Variants in RARS2 observed in about 807,000 individuals in gnomAD.
RARS2 encodes the protein probable arginine--tRNA ligase, mitochondrial.
A neutral mutation model predicts 88.5 loss-of-function variants in RARS2; 67 were observed. The ratio of observed to expected loss-of-function variants is 0.76; its 90% CI spans 0.62 to 0.93. The LOEUF is 0.93. RARS2 is among the 40% of genes least tolerant of loss of function. The pLI, the probability that RARS2 is intolerant of heterozygous loss-of-function variation, is 0.00. For missense variants in RARS2, 664 were observed against 684.2 expected (o/e 0.97, Z 0.33); for synonymous variants, 239 against 230.3 (o/e 1.04, Z -0.34).
chr6:87,522,378 ATTTC>A (rs1483841051), intron 11 of RARS2, among the ~76,000 whole-genome samples: 5 of 151,160 alleles, frequency 3.3e-5, no homozygotes, highest in Admixed American at 6.6e-5. Flanking sequence ...CTTTGACAGA[ATTTC>A]TATCTCTTTT....
chr6:87,576,274 C>CTTTTTT (rs55999428), intron 1 of RARS2, among the ~76,000 whole-genome samples: 5 of 80,788 alleles, frequency 6.2e-5, no homozygotes, highest in Admixed American at 1.7e-4. Flanking sequence ...ACACAAATTT[C>CTTTTTT]TTTTTTTTTT....
chr6:87,569,632 T>A, intron 1 of RARS2, 42 bp from the exon 2 acceptor site: 2 of 1,475,348 alleles, frequency 1.4e-6, no homozygotes, highest in Non-Finnish European at 1.9e-6. Flanking sequence ...ATTGTTCACA[T>A]ATTTGTTCCA....
chr6:87,588,532 T>C (rs892897452), intron 1 of RARS2, among the ~76,000 whole-genome samples: 17 of 152,064 alleles, frequency 1.1e-4, no homozygotes, highest in Non-Finnish European at 1.8e-4. Context: ...CCATCATGCC[T>C]GGCTACTTTT....
At chr6:87,572,868 G>T (rs1770216009) in intron 1 of RARS2, among the ~76,000 whole-genome samples, 1 of 151,444 alleles carries the variant, frequency 6.6e-6, no homozygotes, top group Non-Finnish European at 1.5e-5. Context: ...GGCAATCAAG[G>T]TACAAAGGGA....
At chr6:87,571,073 G>A (rs1260355652) in intron 1 of RARS2, among the ~76,000 whole-genome samples, 1 of 152,086 alleles carries the variant, frequency 6.6e-6, no homozygotes, top group Non-Finnish European at 1.5e-5. Context: ...ATATGGTTTG[G>A]TTCTATTTCC....
In RARS2 at chr6:87,524,547, G is replaced by C. The variant is rs1275849989; in HGVS notation, c.974+10C>G. ...AGAACCAAATGTTGACCCTCACAGA[G>C]GCTACAAACCTGGTTGCATAGAGAG... On this transcript the variant is annotated intron_variant, in intron 11 of 19. Coordinates refer to ENST00000369536, the MANE Select transcript of RARS2 (RefSeq NM_020320.5). The C allele has an allele frequency of 1.9e-6, 3 of 1,587,434 alleles. No homozygotes were observed. In the South Asian group the frequency reaches 3.3e-5, roughly 18 times the overall value.
At position 87,579,913 on chromosome 6, in the gene RARS2, T is replaced by C. The variant is rs372127638; in HGVS notation, c.36+10009A>G. 5.9e-5 allele frequency among the ~76,000 whole-genome samples: 9 copies of C among 151,928 alleles called. No individual in the cohort carries two copies. The East Asian group carries it at 9.7e-4, about 16-fold the overall frequency. On this transcript the variant is annotated intron_variant, in intron 1 of 19. Transcript: ENST00000369536. ...GGCACCCACTATGCCCAGCTAATTTTTGTATTTTTAGTAGAGACGGGGTTT... is the reference window on the plus strand; with the variant it reads ...GGCACCCACTATGCCCAGCTAATTTCTGTATTTTTAGTAGAGACGGGGTTT...
intron 1 of RARS2, among the ~76,000 whole-genome samples, chr6:87,570,202 C>T (rs1191726682): frequency 6.6e-6 from 1 of 152,174 alleles, no homozygotes; most frequent in Non-Finnish European, 1.5e-5. Flanking sequence ...GACAAAGTCT[C>T]GCTATGTTGC....
intron 4 of RARS2, among the ~76,000 whole-genome samples, chr6:87,562,429 C>T (rs1450493951): frequency 6.6e-5 from 10 of 152,096 alleles, no homozygotes; most frequent in Non-Finnish European, 1.0e-4. Flanking sequence ...CATCTATACA[C>T]GTTGTGTATG....
chr6:87,540,830 A>C (rs1318295539), intron 8 of RARS2, among the ~76,000 whole-genome samples: 1 of 152,222 alleles, frequency 6.6e-6, no homozygotes, highest in East Asian at 1.9e-4. Flanking sequence ...TAAATGAAAT[A>C]GAGTAGGCAG....
At chr6:87,524,164 C>T (rs1004419460) in intron 11 of RARS2, among the ~76,000 whole-genome samples, 1 of 152,164 alleles carries the variant, frequency 6.6e-6, no homozygotes, top group Non-Finnish European at 1.5e-5. Flanking sequence ...AATAAAGGTG[C>T]TGATAAACCC....
chr6:87,548,744 T>C, intron 5 of RARS2, 98 bp from the exon 6 acceptor site: 2 of 1,109,934 alleles, frequency 1.8e-6, no homozygotes, highest in Non-Finnish European at 1.3e-6. Flanking sequence ...CTGTGGAGTA[T>C]GGCCTTTGGT....
chr6:87,531,294 A>G (rs1012346183), intron 8 of RARS2, among the ~76,000 whole-genome samples: 1 of 152,224 alleles, frequency 6.6e-6, no homozygotes, highest in Non-Finnish European at 1.5e-5. Flanking sequence ...CTTTCCAACT[A>G]AATCCACAGA....
chr6:87,539,058 G>GAATAAATA (rs71018032), intron 8 of RARS2, among the ~76,000 whole-genome samples: 24 of 150,440 alleles, frequency 1.6e-4, no homozygotes, highest in Admixed American at 1.1e-3. Context: ...ATAAATAAAT[G>GAATAAATA]AATAAATAAA....
At chr6:87,564,080 T>G (rs1033281851) in intron 3 of RARS2, 50 bp downstream of exon 3, 1 of 1,432,476 alleles carries the variant, frequency 7.0e-7, no homozygotes, top group African/African-American at 1.4e-5. Context: ...GTACTTTTTT[T>G]AATAACAAGT....
chr6:87,569,039 C>T lies in RARS2; in HGVS notation c.110+478G>A, dbSNP rs111446909. On this transcript the variant is annotated intron_variant, in intron 2 of 19. Transcript: ENST00000369536. ...AACTATTAGTTGTGTGTAGTCCTAA[C>T]CAACAGTTTTCTATCACTGGGAGTA... Among the ~76,000 whole-genome samples, 1,068 of 152,216 alleles carry T rather than the reference C, an allele frequency of 7.0e-3. 8 individuals carry two copies. The highest frequency in any genetic ancestry group is 0.025 in the African/African-American group (1,027 of 41,534).
intron 7 of RARS2, among the ~76,000 whole-genome samples, chr6:87,543,252 G>A (rs1188169088): frequency 6.6e-6 from 1 of 152,002 alleles, no homozygotes; most frequent in Non-Finnish European, 1.5e-5. Flanking sequence ...GCGGTGAGCC[G>A]AGATCCCGCC....
Position 87,545,285 on chromosome 6 carries a change from T to C in RARS2, c.535+331A>G, listed in dbSNP as rs190169551. ...ATTTTGTAAAGACAGGATTTCGCCA[T>C]GTTGCTCAGGCTGGTCTCAAACTCC... On this transcript the variant is annotated intron_variant, in intron 7 of 19. Coordinates refer to ENST00000369536, the MANE Select transcript of RARS2 (RefSeq NM_020320.5). Among the ~76,000 whole-genome samples, 115 of 152,282 alleles carry C rather than the reference T, an allele frequency of 7.6e-4. 1 individual carries two copies. Among genetic ancestry groups the C allele is most frequent in the Non-Finnish European group, 9.3e-4 (63 of 68,026 alleles).
intron 1 of RARS2, among the ~76,000 whole-genome samples, chr6:87,579,690 T>C (rs1342026071): frequency 7.0e-6 from 1 of 143,232 alleles, no homozygotes; most frequent in South Asian, 2.3e-4. Flanking sequence ...ATAAAACAAA[T>C]TGAGAGCCAC....
Sources: gnomAD v4.1 joint callset for allele counts (sites outside exome capture counted in the v4.1 genomes callset) on GRCh38, gnomAD v4.1.1 for gene constraint, MANE v1.5 for transcripts, NCBI Gene and HGNC (gene_info 2026-07-23, HGNC 2026-07-21) for gene names.